The following MTOR variants were observed in gnomAD, a reference collection of about 807,000 sequenced individuals.
MTOR encodes serine/threonine-protein kinase mTOR.
A neutral mutation model predicts 319.8 loss-of-function variants in MTOR; 70 were observed. That is an observed-to-expected ratio of 0.22 (90% CI 0.18 to 0.27). MTOR has a LOEUF of 0.27. Among genes scored for constraint, MTOR ranks in the 10% least tolerant of loss-of-function variants. MTOR has a pLI of 1.00. For synonymous variants in MTOR, 1,183 were observed against 1,211.4 expected, an observed-to-expected ratio of 0.98 and a Z score of 0.49; for missense variants, 1,890 against 3,274.4, an observed-to-expected ratio of 0.58 and a Z score of 10.32.
intron 8 of MTOR, among the ~76,000 whole-genome samples, chr1:11,247,179 T>C (rs1038271682): frequency 3.3e-5 from 5 of 152,120 alleles, no homozygotes; most frequent in East Asian, 1.9e-4. Context: ...CGTTGAGAAG[T>C]TGGACTCTGA....
At chr1:11,231,167 A>C in intron 17 of MTOR, 113 bp from the exon 18 acceptor site, 1 of 1,585,174 alleles carries the variant, frequency 6.3e-7, no homozygotes, top group Non-Finnish European at 8.6e-7. Context: ...CCAAATGACC[A>C]GCTACATGAA....
At chr1:11,184,004 G>A (rs1645237604) in intron 28 of MTOR, among the ~76,000 whole-genome samples, 1 of 152,088 alleles carries the variant, frequency 6.6e-6, no homozygotes, top group African/African-American at 2.4e-5. Context: ...TCTGTTTCTG[G>A]ACATTTAATT....
chr1:11,200,701 AC>A (rs1645933115), intron 26 of MTOR, among the ~76,000 whole-genome samples: 2 of 152,200 alleles, frequency 1.3e-5, no homozygotes, highest in Admixed American at 1.3e-4. Context: ...TCAAATGAAG[AC>A]CAAAAAAAGT....
intron 49 of MTOR, among the ~76,000 whole-genome samples, chr1:11,119,341 C>T (rs980439769): frequency 2.0e-5 from 3 of 150,510 alleles, no homozygotes; most frequent in African/African-American, 7.3e-5. Context: ...CTGAGGCGGG[C>T]GGATCATGAG....
At chr1:11,161,907 G>C (rs576237024) in intron 29 of MTOR, among the ~76,000 whole-genome samples, 12 of 152,340 alleles carry the variant, frequency 7.9e-5, no homozygotes, top group African/African-American at 2.9e-4. Flanking sequence ...GCAGCTCTTT[G>C]CCAGCAACGG....
Position 11,107,267 on chromosome 1 carries a change from G to A in MTOR, c.*218C>T. On this transcript the variant is annotated 3_prime_UTR_variant, in exon 58 of 58. Transcript: ENST00000361445. ...TGGTATTACTATGTTTCACTGTCCT[G>A]GGAACCAAATCAAGCCTTGTGTTTC... The A allele has an allele frequency of 2.1e-6, 3 of 1,440,460 alleles. No homozygotes were observed. The highest frequency in any genetic ancestry group is 2.7e-6 in the Non-Finnish European group (3 of 1,094,156). The allele number at this position is 1,440,460 out of a possible 1,614,324, so 89.2% of individuals were successfully genotyped here. A position where few individuals can be genotyped will look rare whatever the true frequency, so the allele number is the denominator to read the frequency against.
intron 36 of MTOR, among the ~76,000 whole-genome samples, chr1:11,137,205 A>G (rs1182161792): frequency 6.6e-6 from 1 of 151,218 alleles, no homozygotes; most frequent in Non-Finnish European, 1.5e-5. Context: ...AAAAAACTCA[A>G]TCGCCAAAAA....
intron 28 of MTOR, among the ~76,000 whole-genome samples, chr1:11,172,770 G>A (rs190005942): frequency 0.012 from 1,815 of 151,000 alleles, 23 homozygotes; most frequent in Non-Finnish European, 0.018. Flanking sequence ...TCGGGAGGCT[G>A]AGGCAGGAGG....
Position 11,228,806 on chromosome 1 carries a change from G to A in MTOR, c.2892C>T (p.Leu964=), listed in dbSNP as rs1176448189. ...GGACAACCATGGTGTGATGATGAGAGAGTGACTGGTCTCGGAAGATCCGCA... is the reference window on the plus strand; with the variant it reads ...GGACAACCATGGTGTGATGATGAGAAAGTGACTGGTCTCGGAAGATCCGCA... ...ALMRIFRDQS[L]SHHHTMVVQA... is the part of the protein sequence containing the mutation. Residue 964 remains leucine, a synonymous_variant, in exon 19 of 58, where the codon CTC becomes CTT. Coordinates refer to ENST00000361445, the MANE Select transcript of MTOR (RefSeq NM_004958.4). 6.2e-7 allele frequency: 1 copy of A among 1,614,080 alleles called. No individual in the cohort carries two copies. Among genetic ancestry groups the A allele is most frequent in the East Asian group, 2.2e-5 (1 of 44,890 alleles).
At chr1:11,123,345 C>T (rs1376469352) in intron 47 of MTOR, among the ~76,000 whole-genome samples, 2 of 151,892 alleles carry the variant, frequency 1.3e-5, no homozygotes, top group African/African-American at 4.8e-5. Context: ...TAGCCTCGAC[C>T]TCCTGGGCTC....
At chr1:11,257,380 C>CAAAAAAAA (rs1006118528) in intron 3 of MTOR, among the ~76,000 whole-genome samples, 113 of 35,566 alleles carry the variant, frequency 3.2e-3, no homozygotes, top group Non-Finnish European at 4.5e-3. Context: ...TACTAAGATA[C>CAAAAAAAA]AAAAAAAAAA....
At chr1:11,216,425 G>T (rs749550384) in intron 19 of MTOR, among the ~76,000 whole-genome samples, 191 bp from the exon 20 acceptor site, 3 of 152,126 alleles carry the variant, frequency 2.0e-5, no homozygotes, top group Non-Finnish European at 4.4e-5. Flanking sequence ...AGGCCAAGGC[G>T]GGAGGACTGC....
intron 32 of MTOR, among the ~76,000 whole-genome samples, chr1:11,145,939 T>C (rs750047003): frequency 3.3e-5 from 5 of 152,180 alleles, no homozygotes; most frequent in Non-Finnish European, 7.3e-5. Flanking sequence ...GTCTCTAAAA[T>C]TGGCAGAGAT....
intron 25 of MTOR, among the ~76,000 whole-genome samples, chr1:11,209,082 T>G (rs984640451): frequency 2.0e-5 from 3 of 152,204 alleles, no homozygotes; most frequent in Non-Finnish European, 4.4e-5. Flanking sequence ...ACCATCCATA[T>G]TCCAAGGGAG....
chr1:11,179,705 T>C (rs1645087592), intron 28 of MTOR, among the ~76,000 whole-genome samples: 2 of 152,122 alleles, frequency 1.3e-5, no homozygotes, highest in South Asian at 4.1e-4. Context: ...CATGCTCTAC[T>C]GATAACTGGT....
At chr1:11,206,659 TC>T (rs1433388050) in intron 25 of MTOR, among the ~76,000 whole-genome samples, 1 of 152,162 alleles carries the variant, frequency 6.6e-6, no homozygotes, top group Non-Finnish European at 1.5e-5. Flanking sequence ...CTAGGCCAAG[TC>T]CCCCATGTGG....
Position 11,129,785 on chromosome 1 carries a change from G to C in MTOR, c.5667C>G (p.Phe1889Leu), listed in dbSNP as rs2100423803. Residue 1889 changes from phenylalanine (F) to leucine (L), a missense_variant, in exon 40 of 58, where the codon TTC becomes TTG. Coordinates refer to ENST00000361445, the MANE Select transcript of MTOR (RefSeq NM_004958.4). This position sits in a 1 kb window ranked among gnomAD's most constrained non-coding sequence, Gnocchi z 4.7. ...TGCCTCGTGACAAGGAGATGGAACG[G>C]AAGAAGCCCTGGACGGCAGGCACCG... The part of the protein sequence containing the change: ...MYTVPAVQGF[F>L]RSISLSRGNN... The C allele has an allele frequency of 6.2e-7, 1 of 1,614,240 alleles. No individual in the cohort carries two copies. Among genetic ancestry groups the C allele is most frequent in the Non-Finnish European group, 8.5e-7 (1 of 1,180,030 alleles).
chr1:11,240,686 A>G, intron 10 of MTOR, 139 bp from the exon 11 acceptor site: 1 of 1,154,962 alleles, frequency 8.7e-7, no homozygotes, highest in Non-Finnish European at 1.2e-6. Context: ...AAATAAGAAT[A>G]AAAGTGTAAA....
chr1:11,119,028 G>A (rs1642351363), intron 49 of MTOR, among the ~76,000 whole-genome samples: 1 of 152,092 alleles, frequency 6.6e-6, no homozygotes, highest in African/African-American at 2.4e-5. Context: ...GTGTACCATA[G>A]TGTCTGACTT....
Sources: gnomAD v4.1 joint callset for allele counts (sites outside exome capture counted in the v4.1 genomes callset) on GRCh38, gnomAD v4.1.1 for gene constraint, Gnocchi (gnomAD v3.1) non-coding constraint, MANE v1.5 for transcripts, NCBI Gene and HGNC (gene_info 2026-07-23, HGNC 2026-07-21) for gene names.